The following KYNU variants were observed in gnomAD, a reference collection of about 807,000 sequenced individuals.
KYNU encodes L-kynurenine hydrolase.
In KYNU, 54 loss-of-function variants were observed where a neutral mutation model predicts 59.2. That is an observed-to-expected ratio of 0.91 (90% confidence interval 0.73 to 1.14). KYNU has a LOEUF of 1.14. Among genes scored for constraint, KYNU ranks in the 50% most tolerant of loss-of-function variants. The probability of loss-of-function intolerance (pLI) is 0.00; values close to 1 mark genes in which losing one functional copy is unlikely to be tolerated. For missense variants in KYNU, 567 were observed against 554.4 expected, an observed-to-expected ratio of 1.02 and a Z score of -0.23; for synonymous variants, 177 against 192.0, an observed-to-expected ratio of 0.92 and a Z score of 0.65.
At chr2:142,957,085 C>T (rs351671) in intron 6 of KYNU, among the ~76,000 whole-genome samples, 27,235 of 151,988 alleles carry the variant, frequency 0.18, 6,252 homozygotes, top group African/African-American at 0.53. Context: ...CTGTCTTTTA[C>T]TCTAGCCCTT....
chr2:142,911,619 G>A (rs1370334876), intron 2 of KYNU, among the ~76,000 whole-genome samples: 1 of 152,040 alleles, frequency 6.6e-6, no homozygotes, highest in East Asian at 1.9e-4. Context: ...TCTTTGATTT[G>A]TTCCAGTTCT....
chr2:142,996,677 A>C (rs1251780751), intron 10 of KYNU, among the ~76,000 whole-genome samples: 2 of 152,166 alleles, frequency 1.3e-5, no homozygotes, highest in African/African-American at 2.4e-5. Flanking sequence ...GATTTTCCAC[A>C]TGTGCCAGTC....
intron 4 of KYNU, among the ~76,000 whole-genome samples, chr2:142,931,061 G>C (rs1044081757): frequency 6.6e-6 from 1 of 152,128 alleles, no homozygotes; most frequent in South Asian, 2.1e-4. Flanking sequence ...CCTCTTTCTC[G>C]ATCTTCAGGG....
intron 10 of KYNU, among the ~76,000 whole-genome samples, chr2:142,997,625 A>G (rs1441466925): frequency 1.3e-5 from 2 of 152,210 alleles, no homozygotes; most frequent in Non-Finnish European, 2.9e-5. Flanking sequence ...AACTTATGAC[A>G]GCAGTCTTCT....
intron 10 of KYNU, among the ~76,000 whole-genome samples, chr2:143,015,304 C>T (rs1686216459): frequency 6.6e-6 from 1 of 152,026 alleles, no homozygotes; most frequent in South Asian, 2.1e-4. Context: ...CAGTTCAATA[C>T]TAAAAGTAAA....
At chr2:142,895,474 C>T (rs960431534) in intron 2 of KYNU, among the ~76,000 whole-genome samples, 1 of 152,098 alleles carries the variant, frequency 6.6e-6, no homozygotes, top group African/African-American at 2.4e-5. Flanking sequence ...CATTTTATTG[C>T]TGAATAGTAT....
intron 4 of KYNU, among the ~76,000 whole-genome samples, chr2:142,932,635 T>C (rs1398224809): frequency 6.6e-6 from 1 of 152,048 alleles, no homozygotes; most frequent in Admixed American, 6.6e-5. Context: ...GTATAATGAA[T>C]GACAAATTGA....
chr2:142,984,629 C>T (rs2105157269), intron 8 of KYNU, among the ~76,000 whole-genome samples: 1 of 152,122 alleles, frequency 6.6e-6, no homozygotes, highest in Middle Eastern at 3.4e-3. Flanking sequence ...ACTTCCCACA[C>T]TCAACATTAA....
At chr2:142,904,328 C>A (rs1213063731) in intron 2 of KYNU, among the ~76,000 whole-genome samples, 2 of 152,186 alleles carry the variant, frequency 1.3e-5, no homozygotes, top group African/African-American at 4.8e-5. Flanking sequence ...GGCACCAATT[C>A]CATGTTCTGA....
rs1449408027 is a variant in KYNU, at chr2:143,043,736, A to C, written c.*1564A>C. ...CATATACATATATAAAAATATATAT[A>C]AATATATATACTTTATATATATTTA... On this transcript the variant is annotated 3_prime_UTR_variant, in exon 14 of 14. Transcript: ENST00000264170. 5 of 146,892 alleles carry C rather than the reference A, an allele frequency of 3.4e-5. No homozygotes were observed. The highest frequency in any genetic ancestry group is 7.5e-5 in the Non-Finnish European group (5 of 66,994). The allele number at this position is 146,892 out of a possible 1,614,324, so 9.1% of individuals were successfully genotyped here.
intron 10 of KYNU, chr2:142,988,869 A>G: frequency 2.5e-6 from 4 of 1,608,694 alleles, no homozygotes; most frequent in East Asian, 4.5e-5. Flanking sequence ...TTAATTAGGA[A>G]TGGAATGCAA....
intron 4 of KYNU, among the ~76,000 whole-genome samples, chr2:142,935,851 G>A (rs1317555543): frequency 6.6e-6 from 1 of 152,124 alleles, no homozygotes; most frequent in East Asian, 1.9e-4. Context: ...ATACATACGG[G>A]CGTAAGGTGG....
intron 1 of KYNU, among the ~76,000 whole-genome samples, chr2:142,878,676 C>T (rs1015839858): frequency 1.3e-5 from 2 of 152,132 alleles, no homozygotes; most frequent in African/African-American, 4.8e-5. Context: ...TCTGTGATTT[C>T]GTTAAAATCA....
At chr2:142,996,073 T>G (rs186254264) in intron 10 of KYNU, among the ~76,000 whole-genome samples, 2 of 152,244 alleles carry the variant, frequency 1.3e-5, no homozygotes, top group East Asian at 1.9e-4. Context: ...ACCGTGGGAA[T>G]ATGGCTGAAG....
chr2:142,959,526 T>TG (rs367938073), intron 7 of KYNU, among the ~76,000 whole-genome samples: 4,140 of 151,332 alleles, frequency 0.027, 176 homozygotes, highest in Admixed American at 0.11. Context: ...GTGGAGGTTG[T>TG]GGTGAGCCAA....
chr2:143,025,950 T>G (rs1003153955), intron 10 of KYNU, among the ~76,000 whole-genome samples: 17 of 152,216 alleles, frequency 1.1e-4, no homozygotes, highest in African/African-American at 3.4e-4. Context: ...CAGACTCTGC[T>G]AATTAATTCT....
chr2:143,034,870 A>T (rs1011956320), intron 12 of KYNU, among the ~76,000 whole-genome samples: 7 of 152,218 alleles, frequency 4.6e-5, no homozygotes, highest in Non-Finnish European at 1.0e-4. Context: ...TTGTACCTAA[A>T]GTAATTTCCT....
chr2:142,938,531 C>T (rs1188236685), intron 4 of KYNU, among the ~76,000 whole-genome samples: 8 of 152,140 alleles, frequency 5.3e-5, no homozygotes, highest in African/African-American at 1.9e-4. Flanking sequence ...TCTTCTTTGG[C>T]CAAAATGCGG....
Position 143,040,507 on chromosome 2 carries a change from A to C in KYNU, c.1121A>C (p.His374Pro). Residue 374 changes from histidine (H) to proline (P), a missense_variant, in exon 13 of 14, where the codon CAT (histidine) becomes CCT (proline). Transcript: ENST00000264170. The part of the protein sequence containing the change: ...LTGYLEYLIK[H>P]NYGKDKAATK... ...GGCTATCTGGAATACCTGATCAAGCATAACTATGGCAAAGATAAAGCAGCA... is the reference window on the plus strand; with the variant it reads ...GGCTATCTGGAATACCTGATCAAGCCTAACTATGGCAAAGATAAAGCAGCA... 2.5e-6 allele frequency: 4 copies of C among 1,613,364 alleles called. No individual in the cohort carries two copies. Among genetic ancestry groups the C allele is most frequent in the Non-Finnish European group, 3.4e-6 (4 of 1,179,556 alleles).
Sources: gnomAD v4.1 joint callset for allele counts (sites outside exome capture counted in the v4.1 genomes callset) on GRCh38, gnomAD v4.1.1 for gene constraint, MANE v1.5 for transcripts, NCBI Gene and HGNC (gene_info 2026-07-23, HGNC 2026-07-21) for gene names.